The following UBE3D variants were observed in gnomAD, a reference collection of about 807,000 sequenced individuals.
UBE3D encodes E3 ubiquitin-protein ligase E3D.
UBE3D carries 48 observed loss-of-function variants against 49.6 expected under a neutral mutation model. The ratio of observed to expected loss-of-function variants is 0.97; its 90% CI spans 0.77 to 1.23. UBE3D has a LOEUF of 1.23. Among genes scored for constraint, UBE3D ranks in the 50% most tolerant of loss-of-function variants. The pLI is 0.00. For synonymous variants in UBE3D, 189 were observed against 174.2 expected (o/e 1.08, Z -0.67); for missense variants, 452 against 468.4 (o/e 0.96, Z 0.32).
At chr6:82,889,423 A>G (rs1166441281), downstream of UBE3D, among the ~76,000 whole-genome samples, 1 of 152,214 alleles carries the variant, frequency 6.6e-6, no homozygotes, top group Admixed American at 6.5e-5. Flanking sequence ...TTTTTCTGGT[A>G]TCTATGGAAT....
At chr6:82,951,386 C>T (rs1775785754) in intron 9 of UBE3D, among the ~76,000 whole-genome samples, 1 of 152,134 alleles carries the variant, frequency 6.6e-6, no homozygotes, top group East Asian at 1.9e-4. Context: ...TTTAGATAGC[C>T]TGGAGCAGCT....
At chr6:83,017,029 C>T (rs536063445) in intron 8 of UBE3D, among the ~76,000 whole-genome samples, 34 of 152,284 alleles carry the variant, frequency 2.2e-4, no homozygotes, top group Non-Finnish European at 1.5e-4. Flanking sequence ...TTTGGCAACA[C>T]CCTCATAGAC....
At chr6:83,011,858 CT>C (rs1780359086) in intron 8 of UBE3D, among the ~76,000 whole-genome samples, 1 of 152,120 alleles carries the variant, frequency 6.6e-6, no homozygotes. Context: ...AATGGTGCCA[CT>C]TCCACTTCCA....
chr6:83,036,697 G>A (rs1034754363), intron 5 of UBE3D: 1 of 151,260 alleles, frequency 6.6e-6, no homozygotes, highest in Non-Finnish European at 1.5e-5. Flanking sequence ...TTTGTTGACT[G>A]TAGGATGAGT....
At chr6:82,884,392 A>G in the UBE3D span, among the ~76,000 whole-genome samples, 1 of 152,204 alleles carries the variant, frequency 6.6e-6, no homozygotes, top group Non-Finnish European at 1.5e-5. Context: ...AAAGTGACAG[A>G]TGCCATGAGG....
chr6:83,029,022 C>T (rs771140845), intron 5 of UBE3D, among the ~76,000 whole-genome samples: 19 of 152,040 alleles, frequency 1.2e-4, no homozygotes, highest in Non-Finnish European at 2.5e-4. Context: ...TTTTGTTTTT[C>T]TCTTTTTACT....
downstream of UBE3D, among the ~76,000 whole-genome samples, chr6:82,889,951 C>T (rs1377643346): frequency 6.6e-6 from 1 of 151,296 alleles, no homozygotes; most frequent in Non-Finnish European, 1.5e-5. Flanking sequence ...CACAGAACCA[C>T]TTGTTTACAG....
At chr6:82,885,887 CA>C in the UBE3D span, among the ~76,000 whole-genome samples, 1 of 152,136 alleles carries the variant, frequency 6.6e-6, no homozygotes, top group South Asian at 2.1e-4. Context: ...CCCATCTTTC[CA>C]AATCTTAATA....
At position 83,032,327 on chromosome 6, in the gene UBE3D, CAA is replaced by C. The variant is rs1221853751; in HGVS notation, c.667+6087_667+6088del. The C allele has an allele frequency of 1.5e-5, 7 of 453,334 alleles. No individual in the cohort carries two copies. In the Admixed American group the frequency reaches 1.6e-4, roughly 11 times the overall value. 28.1% of individuals were successfully genotyped at this position (453,334 alleles called of 1,614,324 possible). A position where few individuals can be genotyped will look rare whatever the true frequency, so the allele number is the denominator to read the frequency against. On this transcript the variant is annotated intron_variant, in intron 5 of 9. Transcript: ENST00000369747. ...ATGACCTGGATGTGAGACATGAAGT[CAA>C]AAGAGATCATTTTGGAGCTTTAAGG...
chr6:82,951,500 G>C (rs780961996), intron 9 of UBE3D, among the ~76,000 whole-genome samples: 1 of 152,164 alleles, frequency 6.6e-6, no homozygotes, highest in Non-Finnish European at 1.5e-5. Flanking sequence ...TCCTAGTTGA[G>C]TATATTTTCC....
At chr6:83,054,319 T>C in intron 2 of UBE3D, 81 bp from the exon 3 acceptor site, 1 of 1,020,536 alleles carries the variant, frequency 9.8e-7, no homozygotes, top group Non-Finnish European at 1.5e-6. Flanking sequence ...ATAGCCACGA[T>C]AAATTACCAT....
chr6:83,047,849 C>G (rs887587024), intron 3 of UBE3D, among the ~76,000 whole-genome samples: 3 of 151,882 alleles, frequency 2.0e-5, no homozygotes, highest in Admixed American at 6.6e-5. Context: ...TTGGGAGGCC[C>G]AGGCGGGCGG....
intron 5 of UBE3D, among the ~76,000 whole-genome samples, chr6:83,025,882 TAAAAAAAAAAAA>T (rs70987730): frequency 2.2e-5 from 2 of 90,340 alleles, no homozygotes; most frequent in Non-Finnish European, 4.2e-5. Flanking sequence ...GACTCCATCT[TAAAAAAAAAAAA>T]AAAAAAAAAA....
intron 8 of UBE3D, among the ~76,000 whole-genome samples, chr6:83,013,885 T>C (rs1368351220): frequency 6.6e-6 from 1 of 152,256 alleles, no homozygotes; most frequent in Non-Finnish European, 1.5e-5. Flanking sequence ...TGTGATATCT[T>C]GCAGAAGGGA....
At chr6:82,919,724 A>G (rs1226657483) in intron 9 of UBE3D, among the ~76,000 whole-genome samples, 1 of 152,228 alleles carries the variant, frequency 6.6e-6, no homozygotes, top group African/African-American at 2.4e-5. Flanking sequence ...AATTACTAGC[A>G]TGGCATAGAG....
At chr6:82,954,854 GA>G (rs1776049437) in intron 9 of UBE3D, among the ~76,000 whole-genome samples, 2 of 152,208 alleles carry the variant, frequency 1.3e-5, no homozygotes, top group African/African-American at 4.8e-5. Context: ...GGGTAGGGAA[GA>G]TGATTCCTGG....
chr6:83,032,452 C>CCCCAT, intron 5 of UBE3D: 2 of 353,190 alleles, frequency 5.7e-6, no homozygotes, highest in South Asian at 4.2e-5. Context: ...TACCCAATGC[C>CCCCAT]TGTACCCCCA....
At chr6:82,960,420 G>A (rs1162043110) in intron 8 of UBE3D, among the ~76,000 whole-genome samples, 1 of 151,860 alleles carries the variant, frequency 6.6e-6, no homozygotes, top group Non-Finnish European at 1.5e-5. Flanking sequence ...ATCCACTATT[G>A]TCTTACATAT....
chr6:83,031,309 T>C (rs989680652), intron 5 of UBE3D, among the ~76,000 whole-genome samples: 9 of 152,198 alleles, frequency 5.9e-5, no homozygotes, highest in African/African-American at 2.2e-4. Flanking sequence ...ATACCCAGCC[T>C]GGCGGAAGAA....
Sources: allele counts gnomAD v4.1 joint callset (sites outside exome capture counted in the v4.1 genomes callset), GRCh38; gene constraint gnomAD v4.1.1; transcripts MANE v1.5; gene names NCBI Gene and HGNC (gene_info 2026-07-23, HGNC 2026-07-21).